The following ABI1 variants were observed in gnomAD, a reference collection of about 807,000 sequenced individuals.
ABI1 encodes the protein Abelson interactor 1.
In ABI1, 14 loss-of-function variants were observed where a neutral mutation model predicts 54.6. The ratio of observed to expected loss-of-function variants is 0.26; its 90% CI spans 0.17 to 0.40. The LOEUF is 0.40. Among genes scored for constraint, ABI1 ranks in the 10% least tolerant of loss-of-function variants. The pLI is 1.00. For missense variants in ABI1, 443 were observed against 598.3 expected, an observed-to-expected ratio of 0.74 and a Z score of 2.71; for synonymous variants, 194 against 209.3, an observed-to-expected ratio of 0.93 and a Z score of 0.63.
intron 8 of ABI1, 95 bp downstream of exon 8, chr10:26,758,967 A>G: frequency 1.6e-6 from 2 of 1,220,352 alleles, no homozygotes; most frequent in South Asian, 1.5e-5. Context: ...CATGGTTTTC[A>G]ATTGTTGTCT....
chr10:26,852,142 T>C (rs900071356), intron 1 of ABI1, among the ~76,000 whole-genome samples: 5 of 152,018 alleles, frequency 3.3e-5, no homozygotes, highest in Non-Finnish European at 5.9e-5. Flanking sequence ...AAATTAAAAA[T>C]AAAATGGCAC....
At chr10:26,773,803 G>A (rs1418287256) in intron 3 of ABI1, among the ~76,000 whole-genome samples, 2 of 152,070 alleles carry the variant, frequency 1.3e-5, no homozygotes, top group Non-Finnish European at 2.9e-5. Flanking sequence ...CAAATATTTT[G>A]CTTGTCTTGC....
chr10:26,759,981 A>G (rs573950746), intron 7 of ABI1, among the ~76,000 whole-genome samples: 48 of 152,042 alleles, frequency 3.2e-4, no homozygotes, highest in African/African-American at 1.1e-3. Flanking sequence ...TTTTGACTCT[A>G]TAAAATATGG....
intron 7 of ABI1, among the ~76,000 whole-genome samples, chr10:26,761,778 A>G (rs561750981): frequency 4.6e-4 from 69 of 150,946 alleles, no homozygotes; most frequent in African/African-American, 1.7e-3. Flanking sequence ...TTCCTTGATA[A>G]TATTTTCAAA....
intron 7 of ABI1, 72 bp downstream of exon 7, chr10:26,765,146 T>C (rs1179984212): frequency 1.8e-6 from 2 of 1,101,154 alleles, no homozygotes; most frequent in Non-Finnish European, 2.6e-6. Context: ...ATATGACTAA[T>C]TTATTTCAGC....
chr10:26,783,892 C>CT (rs1210021564), intron 2 of ABI1, among the ~76,000 whole-genome samples: 1 of 152,074 alleles, frequency 6.6e-6, no homozygotes, highest in Non-Finnish European at 1.5e-5. Flanking sequence ...TAAAAGGGCC[C>CT]TTTGTCACTC....
chr10:26,847,732 A>C (rs2050086287), intron 1 of ABI1, among the ~76,000 whole-genome samples: 1 of 152,246 alleles, frequency 6.6e-6, no homozygotes, highest in South Asian at 2.1e-4. Context: ...ACAGAGGAAA[A>C]GATAAATGCA....
At chr10:26,804,765 C>A (rs1009723746) in intron 2 of ABI1, among the ~76,000 whole-genome samples, 1 of 152,174 alleles carries the variant, frequency 6.6e-6, no homozygotes, top group African/African-American at 2.4e-5. Flanking sequence ...AGTGACAGAA[C>A]ATGGCTTCAA....
chr10:26,798,390 C>T (rs1224795010), intron 2 of ABI1, among the ~76,000 whole-genome samples: 2 of 151,806 alleles, frequency 1.3e-5, no homozygotes, highest in African/African-American at 4.8e-5. Context: ...ATCAGTGATG[C>T]CATACGAAAA....
At chr10:26,832,515 C>T (rs1480824444) in intron 1 of ABI1, among the ~76,000 whole-genome samples, 15 of 151,820 alleles carry the variant, frequency 9.9e-5, no homozygotes, top group Non-Finnish European at 1.6e-4. Flanking sequence ...ACCCAGGAGG[C>T]GGAGCTTGCA....
intron 2 of ABI1, among the ~76,000 whole-genome samples, chr10:26,791,152 T>A: frequency 7.1e-6 from 1 of 141,518 alleles, no homozygotes; most frequent in Non-Finnish European, 1.5e-5. Context: ...CAAGCAAAAA[T>A]CATATCAAGA....
chr10:26,809,168 G>T (rs2047063763), intron 2 of ABI1, among the ~76,000 whole-genome samples: 1 of 151,910 alleles, frequency 6.6e-6, no homozygotes, highest in African/African-American at 2.4e-5. Context: ...TACTCGGGAG[G>T]CTGAGGCACG....
intron 2 of ABI1, among the ~76,000 whole-genome samples, chr10:26,795,750 C>G (rs1844072854): frequency 6.6e-6 from 1 of 151,654 alleles, no homozygotes; most frequent in African/African-American, 2.4e-5. Flanking sequence ...ACTGAAGACA[C>G]AAATAAATGG....
chr10:26,759,150 A>G lies in ABI1; in HGVS notation c.909T>C (p.Ser303=), dbSNP rs998621528. The change falls in exon 8 of 11, where the codon TCT becomes TCC. Residue 303 remains serine (S), a synonymous_variant. Transcript: ENST00000376140. ...RHNSTTSSTS[S]GGYRRTPSVT... ...CAGAGGGAGTTCGTCTGTATCCACC[A>G]GAAGATGTCGAAGAAGTAGTAGAGT... 9 of 1,614,020 alleles carry G rather than the reference A, an allele frequency of 5.6e-6. No homozygotes were observed. The highest frequency in any genetic ancestry group is 7.6e-6 in the Non-Finnish European group (9 of 1,179,996).
intron 2 of ABI1, among the ~76,000 whole-genome samples, chr10:26,812,820 T>C (rs2047323083): frequency 6.6e-6 from 1 of 152,168 alleles, no homozygotes. Flanking sequence ...TAATTACCTC[T>C]TCAAAGACCC....
At chr10:26,804,830 C>A (rs1033314752) in intron 2 of ABI1, among the ~76,000 whole-genome samples, 1 of 152,070 alleles carries the variant, frequency 6.6e-6, no homozygotes, top group Admixed American at 6.5e-5. Context: ...TTTCCATATC[C>A]TTATCAAACT....
intron 2 of ABI1, among the ~76,000 whole-genome samples, chr10:26,809,714 C>T (rs997506306): frequency 3.3e-5 from 5 of 152,134 alleles, no homozygotes; most frequent in Non-Finnish European, 7.4e-5. Flanking sequence ...ATTAATGTTA[C>T]TTTTCTTTCT....
chr10:26,759,040 T>C, intron 8 of ABI1, 22 bp downstream of exon 8: 3 of 1,607,424 alleles, frequency 1.9e-6, no homozygotes, highest in East Asian at 4.5e-5. Flanking sequence ...TGTTGCTGTA[T>C]GCCTGCAAAG....
rs1452183201 is a variant in ABI1 at position 26,829,839 on chromosome 10, CATTAAT to C, written c.118-6540_118-6535del. The stretch of plus-strand genomic sequence containing the variant: ...TTCTTGGATGAGGAAGGGAGGTCAG[CATTAAT>C]ATTAAGTACGAAATGCATACATTAA... On this transcript the variant is annotated intron_variant, in intron 1 of 10. Transcript: ENST00000376140. Among the ~76,000 whole-genome samples, 15 of 152,214 alleles carry C rather than the reference CATTAAT, an allele frequency of 9.9e-5. No homozygotes were observed. The South Asian group carries it at 1.7e-3, about 17-fold the overall frequency.
Sources: allele counts gnomAD v4.1 joint callset (sites outside exome capture counted in the v4.1 genomes callset), GRCh38; gene constraint gnomAD v4.1.1; transcripts MANE v1.5; gene names NCBI Gene and HGNC (gene_info 2026-07-23, HGNC 2026-07-21).